SURF2: variants seen among roughly 807,000 people sequenced by gnomAD.
SURF2 encodes the protein surfeit 2.
In SURF2, 32 loss-of-function variants were observed where a neutral mutation model predicts 26.2. The observed-to-expected ratio is 1.22, with a 90% CI of 0.92 to 1.64. The LOEUF is 1.64. Ranked by LOEUF, SURF2 falls within the 40% of genes most tolerant of loss-of-function variation. SURF2 has a pLI of 0.00. For missense variants in SURF2, 415 were observed against 341.6 expected, an observed-to-expected ratio of 1.21 and a Z score of -1.69; for synonymous variants, 173 against 139.1, an observed-to-expected ratio of 1.24 and a Z score of -1.71.
intron 2 of SURF2, 87 bp from the exon 3 acceptor site, chr9:133,357,624 C>T: frequency 7.8e-7 from 1 of 1,277,170 alleles, no homozygotes; most frequent in East Asian, 2.4e-5. Context: ...GCATGGTAGA[C>T]TGTCCAGGGA....
chr9:133,358,643 T>A (rs2130040323), intron 3 of SURF2, among the ~76,000 whole-genome samples: 2 of 151,840 alleles, frequency 1.3e-5, no homozygotes, highest in African/African-American at 2.4e-5. Context: ...GAAGGGAAGA[T>A]GAGGACAGAA....
chr9:133,357,646 C>A, intron 2 of SURF2, 65 bp from the exon 3 acceptor site: 1 of 1,514,522 alleles, frequency 6.6e-7, no homozygotes, highest in Non-Finnish European at 9.2e-7. Flanking sequence ...GAGTCCAAGA[C>A]ACAGCCACCA....
At chr9:133,358,347 C>T (rs1264100267) in intron 3 of SURF2, among the ~76,000 whole-genome samples, 1 of 152,042 alleles carries the variant, frequency 6.6e-6, no homozygotes, top group Non-Finnish European at 1.5e-5. Flanking sequence ...GCTGCATGGA[C>T]AGTGTGCATG....
intron 3 of SURF2, among the ~76,000 whole-genome samples, chr9:133,358,871 T>TGGGAAGATGCGTCTACGGGC (rs1228644380): frequency 2.0e-5 from 3 of 152,100 alleles, no homozygotes; most frequent in African/African-American, 7.2e-5. Context: ...GGTTTGCGGA[T>TGGGAAGATGCGTCTACGGGC]GGGAAGATGC....
In SURF2 at chr9:133,356,600, A is replaced by G. The variant is rs2130028594; in HGVS notation, c.8A>G (p.Glu3Gly). 5.9e-6 allele frequency: 9 copies of G among 1,524,002 alleles called. No homozygotes were observed. The South Asian group carries it at 1.1e-4, about 18-fold the overall frequency. The allele number at this position is 1,524,002 out of a possible 1,614,324, so 94.4% of individuals were successfully genotyped here. A position where few individuals can be genotyped will look rare whatever the true frequency, so the allele number is the denominator to read the frequency against. The change falls in exon 1 of 6, where the codon GAG (glutamate) becomes GGG (glycine). Residue 3 changes from glutamate to glycine, a missense_variant. Transcript: ENST00000371964. MS[E>G]LPGDVRAFLR... is the part of the protein sequence containing the mutation. ...TCCGCGGGCGCGTCGGCCATGAGCG[A>G]GTTGCCGGGCGACGTGCGGGCGTTT...
At position 133,356,569 on chromosome 9, in the gene SURF2, G is replaced by C; in HGVS notation, c.-24G>C. On this transcript the variant is annotated 5_prime_UTR_variant, in exon 1 of 6. Transcript: ENST00000371964. ...CAGGTTCTGCGAGCGGCTTCCGCCG[G>C]GCTGCTCCGCGGGCGCGTCGGCCAT... The C allele has an allele frequency of 6.6e-7, 1 of 1,514,746 alleles. No homozygotes were observed. Among genetic ancestry groups the C allele is most frequent in the African/African-American group, 1.4e-5 (1 of 69,856 alleles). The allele number at this position is 1,514,746 out of a possible 1,614,324, so 93.8% of individuals were successfully genotyped here. A position where few individuals can be genotyped will look rare whatever the true frequency, so the allele number is the denominator to read the frequency against.
At position 133,359,609 on chromosome 9, in the gene SURF2, G is replaced by T. The variant is rs2130043087; in HGVS notation, c.338-341G>T. 3.3e-5 allele frequency among the ~76,000 whole-genome samples: 5 copies of T among 152,368 alleles called. No homozygotes were observed. In the East Asian group the frequency reaches 5.8e-4, roughly 18 times the overall value. ...GGTGGCATCACTGCCAGCCCGAGTTGCCTTTGAGAGGCCATGCCAAGCTCA... is the reference window on the plus strand; with the variant it reads ...GGTGGCATCACTGCCAGCCCGAGTTTCCTTTGAGAGGCCATGCCAAGCTCA... On this transcript the variant is annotated intron_variant, in intron 3 of 5. Transcript: ENST00000371964.
intron 1 of SURF2, 99 bp downstream of exon 1, chr9:133,356,769 G>T: frequency 7.3e-7 from 1 of 1,369,032 alleles, no homozygotes; most frequent in Non-Finnish European, 9.7e-7. Flanking sequence ...GGGGAGAGGG[G>T]AGAGGGGAGA....
rs2130028424 is a variant in SURF2, at chr9:133,356,592, C to G, written c.-1C>G. The stretch of plus-strand genomic sequence containing the variant: ...CGGGCTGCTCCGCGGGCGCGTCGGC[C>G]ATGAGCGAGTTGCCGGGCGACGTGC... On this transcript the variant is annotated 5_prime_UTR_variant, in exon 1 of 6. Coordinates refer to ENST00000371964, the MANE Select transcript of SURF2 (RefSeq NM_017503.5). 2.6e-6 allele frequency: 4 copies of G among 1,523,264 alleles called. No individual in the cohort carries two copies. Among genetic ancestry groups the G allele is most frequent in the Non-Finnish European group, 3.5e-6 (4 of 1,142,502 alleles). 94.4% of individuals were successfully genotyped at this position (1,523,264 alleles called of 1,614,324 possible).
At chr9:133,360,796 C>T (rs1243929999) in intron 5 of SURF2, among the ~76,000 whole-genome samples, 10 of 152,242 alleles carry the variant, frequency 6.6e-5, no homozygotes, top group Non-Finnish European at 1.3e-4. Flanking sequence ...GAGACTTCCC[C>T]GCCTTTGGTA....
chr9:133,356,588 C>A lies in SURF2; in HGVS notation c.-5C>A, dbSNP rs1299337124. The A allele has an allele frequency of 2.6e-6, 4 of 1,518,672 alleles. No individual in the cohort carries two copies. The highest frequency in any genetic ancestry group is 2.0e-5 in the Admixed American group (1 of 49,812). 94.1% of individuals were successfully genotyped at this position (1,518,672 alleles called of 1,614,324 possible). A position where few individuals can be genotyped will look rare whatever the true frequency, so the allele number is the denominator to read the frequency against. The stretch of plus-strand genomic sequence containing the variant: ...CCGCCGGGCTGCTCCGCGGGCGCGT[C>A]GGCCATGAGCGAGTTGCCGGGCGAC... On this transcript the variant is annotated 5_prime_UTR_variant, in exon 1 of 6. Coordinates refer to ENST00000371964, the MANE Select transcript of SURF2 (RefSeq NM_017503.5).
intron 3 of SURF2, among the ~76,000 whole-genome samples, chr9:133,358,433 C>T (rs1836669261): frequency 6.6e-6 from 1 of 152,216 alleles, no homozygotes; most frequent in Admixed American, 6.5e-5. Context: ...TTCAGAGTCC[C>T]TTTGAAGGTT....
rs2130036179 is a variant in SURF2, at chr9:133,357,756, C to G, written c.279C>G (p.Cys93Trp). 1 of 1,613,818 alleles carries G rather than the reference C, an allele frequency of 6.2e-7. No homozygotes were observed. The change falls in exon 3 of 6, where the codon TGC becomes TGG. Residue 93 changes from cysteine (C) to tryptophan (W), a missense_variant. Cys to Trp is a radical substitution (Grantham distance 215). Coordinates refer to ENST00000371964, the MANE Select transcript of SURF2 (RefSeq NM_017503.5). ...CKLTLRHINK[C>W]PEHVLRHTQG... ...TCACCCTGCGGCACATCAACAAGTG[C>G]CCAGAACACGTGCTGAGGCACACCC...
Position 133,356,576 on chromosome 9 carries a change from C to G in SURF2, c.-17C>G, listed in dbSNP as rs1288354721. 62 of 1,516,554 alleles carry G rather than the reference C, an allele frequency of 4.1e-5. No individual in the cohort carries two copies. Among genetic ancestry groups the G allele is most frequent in the Non-Finnish European group, 5.4e-5 (62 of 1,139,824 alleles). 93.9% of individuals were successfully genotyped at this position (1,516,554 alleles called of 1,614,324 possible). Reference sequence around the variant, plus strand: ...TGCGAGCGGCTTCCGCCGGGCTGCTCCGCGGGCGCGTCGGCCATGAGCGAG... The same window carrying G: ...TGCGAGCGGCTTCCGCCGGGCTGCTGCGCGGGCGCGTCGGCCATGAGCGAG... On this transcript the variant is annotated 5_prime_UTR_variant, in exon 1 of 6. Coordinates refer to ENST00000371964, the MANE Select transcript of SURF2 (RefSeq NM_017503.5).
intron 5 of SURF2, 72 bp from the exon 6 acceptor site, chr9:133,360,984 G>T: frequency 6.6e-7 from 1 of 1,511,464 alleles, no homozygotes. Flanking sequence ...GGTGGGGAGA[G>T]CCCTGCACTC....
At chr9:133,357,122 C>T (rs2130033015) in intron 2 of SURF2, 54 bp downstream of exon 2, 15 of 1,454,416 alleles carry the variant, frequency 1.0e-5, no homozygotes, top group East Asian at 2.7e-5. Flanking sequence ...ACAGCCCCTC[C>T]GCTGGACTCC....
At chr9:133,357,583 C>T (rs977942018) in intron 2 of SURF2, 128 bp from the exon 3 acceptor site, 1 of 815,930 alleles carries the variant, frequency 1.2e-6, no homozygotes, top group Non-Finnish European at 2.0e-6. Context: ...GGAATTGCTC[C>T]GGGAGCCTTT....
chr9:133,357,195 G>C (rs2119091106), intron 2 of SURF2, 127 bp downstream of exon 2: 2 of 1,236,872 alleles, frequency 1.6e-6, no homozygotes, highest in South Asian at 1.7e-5. Context: ...GGGCGCCCGG[G>C]TGCTGGAATC....
At position 133,360,417 on chromosome 9, in the gene SURF2, G is replaced by C. The variant is rs1836735450; in HGVS notation, c.670G>C (p.Val224Leu). ...RRETTVYRGL[V>L]QKRGKKQLGS... is the part of the protein sequence containing the mutation. ...AGAGACGACCGTGTACCGAGGGCTGGTCCAGAAGCGCGGGAAGGTGAGCTG... is the reference window on the plus strand; with the variant it reads ...AGAGACGACCGTGTACCGAGGGCTGCTCCAGAAGCGCGGGAAGGTGAGCTG... The change falls in exon 5 of 6, where the codon GTC becomes CTC. Residue 224 changes from valine (V) to leucine (L), a missense_variant. Physicochemically the swap from Val to Leu is conservative, Grantham distance 32 (BLOSUM62 1). Transcript: ENST00000371964. 6.2e-7 allele frequency: 1 copy of C among 1,609,698 alleles called. No individual in the cohort carries two copies. Among genetic ancestry groups the C allele is most frequent in the Non-Finnish European group, 8.5e-7 (1 of 1,179,416 alleles).
Sources: allele counts gnomAD v4.1 joint callset (sites outside exome capture counted in the v4.1 genomes callset), GRCh38; gene constraint gnomAD v4.1.1; transcripts MANE v1.5; gene names NCBI Gene and HGNC (gene_info 2026-07-23, HGNC 2026-07-21).